SCTR: variants seen among roughly 807,000 people sequenced by gnomAD.
The protein encoded by SCTR is secretin receptor.
SCTR carries 56 observed loss-of-function variants against 60.8 expected under a neutral mutation model. The ratio of observed to expected loss-of-function variants is 0.92; its 90% CI spans 0.74 to 1.15. SCTR has a LOEUF of 1.15. Among genes scored for constraint, SCTR ranks in the 50% most tolerant of loss-of-function variants. The probability of loss-of-function intolerance (pLI) is 0.00; values close to 1 mark genes in which losing one functional copy is unlikely to be tolerated. For missense variants in SCTR, 562 were observed against 550.4 expected (o/e 1.02, Z -0.21); for synonymous variants, 202 against 217.0 (o/e 0.93, Z 0.61).
At chr2:119,441,447 T>C in intron 12 of SCTR, 111 bp downstream of exon 12, 1 of 850,130 alleles carries the variant, frequency 1.2e-6, no homozygotes, top group Non-Finnish European at 2.0e-6. Context: ...CAGGACTCCC[T>C]CTGACCCTTT....
intron 3 of SCTR, among the ~76,000 whole-genome samples, chr2:119,477,993 A>G (rs984736820): frequency 1.2e-4 from 18 of 152,148 alleles, no homozygotes. Context: ...GGTGAGAAGA[A>G]TCTCCACTCC....
chr2:119,486,515 G>A (rs1257734923), intron 2 of SCTR: 1 of 152,190 alleles, frequency 6.6e-6, no homozygotes, highest in Admixed American at 6.5e-5. Context: ...CACCTTTCAA[G>A]CGAATTAAGG....
rs546276771 is a variant in SCTR at position 119,504,968 on chromosome 2, A to T, written c.73-10420T>A. On this transcript the variant is annotated intron_variant, in intron 1 of 12. Transcript: ENST00000019103. Reference sequence around the variant, plus strand: ...GATGGCACAGAGAAATGCAAATCAAAACCACAATGAGATACCATCTCACAC... The same window carrying T: ...GATGGCACAGAGAAATGCAAATCAATACCACAATGAGATACCATCTCACAC... Among the ~76,000 whole-genome samples, 4 of 152,314 alleles carry T rather than the reference A, an allele frequency of 2.6e-5. No individual in the cohort carries two copies. In the East Asian group the frequency reaches 7.7e-4, roughly 29 times the overall value.
intron 5 of SCTR, 42 bp downstream of exon 5, chr2:119,465,747 T>A (rs1270190941): frequency 7.4e-7 from 1 of 1,356,154 alleles, no homozygotes; most frequent in Non-Finnish European, 1.1e-6. Flanking sequence ...AGTCTGTACC[T>A]GAGGAGGGCT....
chr2:119,466,344 A>T (rs1401108884), intron 4 of SCTR, among the ~76,000 whole-genome samples: 2 of 152,152 alleles, frequency 1.3e-5, no homozygotes, highest in African/African-American at 4.8e-5. Flanking sequence ...TTTGTCTTTT[A>T]TATAAGGCAG....
chr2:119,476,858 C>T (rs1026717512), intron 3 of SCTR: 6 of 152,232 alleles, frequency 3.9e-5, no homozygotes, highest in African/African-American at 1.4e-4. Context: ...CCTGACCAGC[C>T]TGGGGCTCTA....
At chr2:119,496,377 G>C (rs1218722578) in intron 1 of SCTR, among the ~76,000 whole-genome samples, 1 of 152,104 alleles carries the variant, frequency 6.6e-6, no homozygotes, top group East Asian at 1.9e-4. Context: ...TGTACTTCTG[G>C]GAATCCATCC....
At chr2:119,460,436 G>GTGGATGGATGGA (rs111277760) in intron 7 of SCTR, among the ~76,000 whole-genome samples, 23 of 149,472 alleles carry the variant, frequency 1.5e-4, no homozygotes, top group African/African-American at 4.7e-4. Context: ...GGGTGGGTGG[G>GTGGATGGATGGA]TGGATGGATG....
chr2:119,490,481 C>T (rs898993273), intron 2 of SCTR, among the ~76,000 whole-genome samples: 1 of 152,188 alleles, frequency 6.6e-6, no homozygotes, highest in African/African-American at 2.4e-5. Flanking sequence ...GAGGTTTATC[C>T]CCAGCCTTCA....
intron 3 of SCTR, among the ~76,000 whole-genome samples, chr2:119,478,037 C>A (rs916556724): frequency 8.5e-5 from 13 of 152,218 alleles, no homozygotes; most frequent in Non-Finnish European, 1.6e-4. Flanking sequence ...GTCATCTTTG[C>A]CTTGCCTGAC....
intron 3 of SCTR, among the ~76,000 whole-genome samples, chr2:119,474,204 A>C (rs1677161816): frequency 6.6e-6 from 1 of 152,154 alleles, no homozygotes; most frequent in South Asian, 2.1e-4. Context: ...CCACATGGGC[A>C]GTGGCTTCCC....
At chr2:119,502,097 A>C (rs751567366) in intron 1 of SCTR, among the ~76,000 whole-genome samples, 3 of 152,132 alleles carry the variant, frequency 2.0e-5, no homozygotes, top group Non-Finnish European at 2.9e-5. Flanking sequence ...TTCTACAAAA[A>C]ATACAAAAAT....
chr2:119,453,147 G>T, intron 8 of SCTR, 140 bp downstream of exon 8: 1 of 671,810 alleles, frequency 1.5e-6, no homozygotes, highest in Non-Finnish European at 2.6e-6. Flanking sequence ...GAAGCAGTGA[G>T]CATCAGTCCA....
intron 4 of SCTR, among the ~76,000 whole-genome samples, 180 bp from the exon 5 acceptor site, chr2:119,466,066 GGGATCATCTGATGATCCCTAA>G (rs1277684395): frequency 6.6e-6 from 1 of 151,976 alleles, no homozygotes; most frequent in Admixed American, 6.5e-5. Context: ...AAAGCCCTTA[GGGATCATCTGATGATCCCTAA>G]GGATCATCCC....
chr2:119,459,779 C>A (rs1331529966), intron 7 of SCTR, among the ~76,000 whole-genome samples: 1 of 152,136 alleles, frequency 6.6e-6, no homozygotes, highest in Non-Finnish European at 1.5e-5. Context: ...CACAATGCAG[C>A]TTTGTAATCC....
At chr2:119,472,698 G>C (rs1224275112) in intron 4 of SCTR, among the ~76,000 whole-genome samples, 1 of 152,118 alleles carries the variant, frequency 6.6e-6, no homozygotes, top group African/African-American at 2.4e-5. Flanking sequence ...TTAGAGTGCA[G>C]CGACACAATC....
chr2:119,490,901 C>T (rs952405467), intron 2 of SCTR, among the ~76,000 whole-genome samples: 9 of 152,218 alleles, frequency 5.9e-5, no homozygotes, highest in African/African-American at 1.7e-4. Flanking sequence ...TCTGAAGCAG[C>T]CCCATCTCTG....
At chr2:119,450,230 A>AT (rs1683110517) in intron 9 of SCTR, among the ~76,000 whole-genome samples, 1 of 152,150 alleles carries the variant, frequency 6.6e-6, no homozygotes, top group African/African-American at 2.4e-5. Context: ...AAATAGTGGA[A>AT]TTCCAGGCCC....
At chr2:119,502,987 TAAAAAA>T (rs35814848) in intron 1 of SCTR, among the ~76,000 whole-genome samples, 1 of 144,456 alleles carries the variant, frequency 6.9e-6, no homozygotes, top group African/African-American at 2.6e-5. Flanking sequence ...TCATCTCTAC[TAAAAAA>T]AAAAAAATAC....
Sources: allele counts gnomAD v4.1 joint callset (sites outside exome capture counted in the v4.1 genomes callset), GRCh38; gene constraint gnomAD v4.1.1; transcripts MANE v1.5; gene names NCBI Gene and HGNC (gene_info 2026-07-23, HGNC 2026-07-21).